Variants in BMPR1B observed in about 807,000 individuals in gnomAD.
BMPR1B encodes bone morphogenetic protein receptor type 1B, also known as bone morphogenetic protein receptor type-1B.
Under a neutral mutation model 59.1 loss-of-function variants are expected in BMPR1B, and 12 were observed. The ratio of observed to expected loss-of-function variants is 0.20; its 90% CI spans 0.13 to 0.33. The LOEUF (loss-of-function observed/expected upper bound fraction) is 0.33, where lower values mean the gene tolerates loss of function less well. Among genes scored for constraint, BMPR1B ranks in the 10% least tolerant of loss-of-function variants. The probability of loss-of-function intolerance (pLI) is 1.00; values close to 1 mark genes in which losing one functional copy is unlikely to be tolerated. For synonymous variants in BMPR1B, 237 were observed against 207.3 expected (o/e 1.14, Z -1.23); for missense variants, 550 against 610.9 (o/e 0.90, Z 1.05).
chr4:95,136,806 C>A (rs928143822), intron 10 of BMPR1B, among the ~76,000 whole-genome samples: 1 of 151,942 alleles, frequency 6.6e-6, no homozygotes, highest in Non-Finnish European at 1.5e-5. Context: ...CTCTTTTCTT[C>A]TTTATTAGTC....
chr4:94,916,198 A>T (rs968368369), intron 2 of BMPR1B, among the ~76,000 whole-genome samples: 2 of 152,214 alleles, frequency 1.3e-5, no homozygotes, highest in Non-Finnish European at 2.9e-5. Context: ...GGAGTTAGGC[A>T]TTACTAAAAG....
chr4:95,067,048 T>C (rs1187729573), intron 3 of BMPR1B, among the ~76,000 whole-genome samples: 4 of 152,198 alleles, frequency 2.6e-5, no homozygotes, highest in Non-Finnish European at 5.9e-5. Flanking sequence ...CTCTGAAGGA[T>C]GTATTGGTTT....
intron 1 of BMPR1B, among the ~76,000 whole-genome samples, chr4:94,799,523 C>T (rs891406558): frequency 2.0e-5 from 3 of 151,804 alleles, no homozygotes; most frequent in Admixed American, 1.3e-4. Flanking sequence ...AGGATGGTCT[C>T]GATCTCCTGA....
At chr4:95,037,064 C>T (rs970926552) in intron 3 of BMPR1B, among the ~76,000 whole-genome samples, 21 of 152,004 alleles carry the variant, frequency 1.4e-4, no homozygotes, top group African/African-American at 4.8e-4. Flanking sequence ...AAGTCTGGGA[C>T]GGGTACATAT....
At chr4:94,768,890 A>G (rs1407388061) in intron 1 of BMPR1B, among the ~76,000 whole-genome samples, 1 of 152,178 alleles carries the variant, frequency 6.6e-6, no homozygotes, top group Non-Finnish European at 1.5e-5. Flanking sequence ...TGTATTATAT[A>G]AAATATATTG....
intron 1 of BMPR1B, among the ~76,000 whole-genome samples, chr4:94,778,345 G>T (rs1225305363): frequency 6.6e-6 from 1 of 152,132 alleles, no homozygotes; most frequent in African/African-American, 2.4e-5. Context: ...TCTTTAGGTA[G>T]TGTCCTGTGT....
chr4:94,976,219 T>A (rs1578871813), intron 2 of BMPR1B, among the ~76,000 whole-genome samples: 2 of 152,176 alleles, frequency 1.3e-5, no homozygotes, highest in East Asian at 3.9e-4. Context: ...AGACTGCTAG[T>A]ATATATGGCA....
intron 3 of BMPR1B, among the ~76,000 whole-genome samples, chr4:94,999,721 C>A (rs1722305313): frequency 6.6e-6 from 1 of 152,152 alleles, no homozygotes; most frequent in African/African-American, 2.4e-5. Context: ...GGTCCATCCT[C>A]ATGTAGCCGG....
chr4:95,026,162 C>CTTTCTTTCTTTCTTTCTTTCTT (rs1181592252), intron 3 of BMPR1B, among the ~76,000 whole-genome samples: 1 of 137,956 alleles, frequency 7.2e-6, no homozygotes, highest in Admixed American at 7.4e-5. Flanking sequence ...TTCTTTCTTT[C>CTTTCTTTCTTTCTTTCTTTCTT]TCTTTTTCTC....
chr4:94,952,175 GTCTA>G (rs777384918), intron 2 of BMPR1B, among the ~76,000 whole-genome samples: 23 of 152,188 alleles, frequency 1.5e-4, no homozygotes, highest in Non-Finnish European at 2.5e-4. Context: ...CTGGCTAGCA[GTCTA>G]TCTATTTTGT....
chr4:95,114,601 G>A (rs1731872009), intron 4 of BMPR1B, 119 bp from the exon 5 acceptor site: 1 of 888,704 alleles, frequency 1.1e-6, no homozygotes, highest in South Asian at 1.3e-5. Context: ...TCTCCTTGTT[G>A]CAATAAAACA....
intron 1 of BMPR1B, among the ~76,000 whole-genome samples, chr4:94,778,819 T>A (rs945303417): frequency 6.6e-6 from 1 of 152,222 alleles, no homozygotes; most frequent in Non-Finnish European, 1.5e-5. Context: ...TCTTTTCCTC[T>A]GCCAACTTTG....
chr4:94,856,228 A>T (rs1351896605), intron 1 of BMPR1B, among the ~76,000 whole-genome samples: 1 of 152,166 alleles, frequency 6.6e-6, no homozygotes, highest in African/African-American at 2.4e-5. Flanking sequence ...GAGACCCATG[A>T]TCTTTTAACA....
chr4:95,094,872 A>G (rs192314558), intron 3 of BMPR1B, among the ~76,000 whole-genome samples: 2 of 152,002 alleles, frequency 1.3e-5, no homozygotes, highest in Non-Finnish European at 2.9e-5. Context: ...TTGAAGGAGA[A>G]AGATTCCTGT....
chr4:95,096,803 AATATATAAATATAAATATATTTATATTT>A (rs1300280878), intron 3 of BMPR1B, among the ~76,000 whole-genome samples: 2 of 140,928 alleles, frequency 1.4e-5, no homozygotes, highest in African/African-American at 2.6e-5. Context: ...CTATATATAG[AATATATAAATATAAATATATTTATATTT>A]ATATATAAAT....
chr4:94,816,557 G>A (rs373410950), intron 1 of BMPR1B, among the ~76,000 whole-genome samples: 44 of 152,154 alleles, frequency 2.9e-4, no homozygotes, highest in African/African-American at 1.1e-3. Flanking sequence ...ATCTAAATTA[G>A]TATTTCTGCA....
At chr4:94,789,300 G>A (rs955919364) in intron 1 of BMPR1B, among the ~76,000 whole-genome samples, 20 of 152,136 alleles carry the variant, frequency 1.3e-4, no homozygotes, top group African/African-American at 4.1e-4. Flanking sequence ...AATGGTCAAC[G>A]TTGAGTGCTT....
At chr4:94,836,385 AG>A (rs2148929188) in intron 1 of BMPR1B, among the ~76,000 whole-genome samples, 1 of 129,750 alleles carries the variant, frequency 7.7e-6, no homozygotes, top group African/African-American at 3.3e-5. Flanking sequence ...ACAGTGTAAA[AG>A]TGTTCTATTT....
intron 2 of BMPR1B, among the ~76,000 whole-genome samples, chr4:94,919,327 C>T (rs1190703550): frequency 6.6e-6 from 1 of 152,108 alleles, no homozygotes; most frequent in African/African-American, 2.4e-5. Context: ...AGCAATTGCT[C>T]TCAAACTTTT....
Sources: allele counts gnomAD v4.1 joint callset (sites outside exome capture counted in the v4.1 genomes callset), GRCh38; gene constraint gnomAD v4.1.1; transcripts MANE v1.5; gene names NCBI Gene and HGNC (gene_info 2026-07-23, HGNC 2026-07-21).